PLCH1: variants seen among roughly 807,000 people sequenced by gnomAD.
PLCH1 encodes the protein 1-phosphatidylinositol 4,5-bisphosphate phosphodiesterase eta-1.
Under a neutral mutation model 126.7 loss-of-function variants are expected in PLCH1, and 60 were observed. The observed-to-expected ratio is 0.47, with a 90% CI of 0.38 to 0.59. The LOEUF (loss-of-function observed/expected upper bound fraction) is 0.59. Ranked by LOEUF, PLCH1 falls within the 20% of genes least tolerant of loss-of-function variation. The pLI is 0.00. For synonymous variants in PLCH1, 719 were observed against 734.9 expected, an observed-to-expected ratio of 0.98 and a Z score of 0.35; for missense variants, 1,723 against 2,040.0, an observed-to-expected ratio of 0.84 and a Z score of 2.99.
chr3:155,474,988 T>G (rs1713468636), downstream of PLCH1, among the ~76,000 whole-genome samples: 1 of 137,546 alleles, frequency 7.3e-6, no homozygotes, highest in Non-Finnish European at 1.6e-5. Context: ...GATGACGAGT[T>G]AGTGGGTGCA....
chr3:155,566,155 A>ATATG lies in PLCH1; in HGVS notation c.866-1038_866-1037insCATA, dbSNP rs1176857944. On this transcript the variant is annotated intron_variant, in intron 7 of 22. Transcript: ENST00000460012. ...TACATATATATGTATATATACATATATACACATACATATATACACATATAT... is the reference window on the plus strand; with the variant it reads ...TACATATATATGTATATATACATATATATGTACACATACATATATACACATATAT... 2.2e-4 allele frequency among the ~76,000 whole-genome samples: 17 copies of ATATG among 79,054 alleles called. 1 individual carries two copies. Among genetic ancestry groups the ATATG allele is most frequent in the African/African-American group, 2.4e-4 (7 of 28,734 alleles). The allele number at this position is 79,054 out of a possible 152,430, so 51.9% of individuals were successfully genotyped here.
rs183099060 is a variant in PLCH1, at chr3:155,497,393, C to A, written c.1821G>T (p.Met607Ile). Residue 607 changes from methionine to isoleucine, a missense_variant, in exon 15 of 23, where the codon ATG (methionine) becomes ATT (isoleucine). By Grantham distance (10) the Met-to-Ile change is conservative. Around this residue, in one of 2 missense-constraint regions of PLCH1, gnomAD observed 776 missense variants for 1,062.9 expected, o/e 0.73. Coordinates refer to ENST00000460012, the MANE Select transcript of PLCH1 (RefSeq NM_014996.4). ...AATCAGAGAGTTCTCGGCAGAGCTT[C>A]ATGGTTTTCCTTCGGCGACCCAATC... ...LYRLGRRRKT[M>I]KLCRELSDLV... is the part of the protein sequence containing the mutation. 1 of 1,613,786 alleles carries A rather than the reference C, an allele frequency of 6.2e-7. No homozygotes were observed. The highest frequency in any genetic ancestry group is 1.3e-5 in the African/African-American group (1 of 74,914).
intron 2 of PLCH1, among the ~76,000 whole-genome samples, chr3:155,626,582 A>G (rs1737280211): frequency 6.6e-6 from 1 of 151,934 alleles, no homozygotes; most frequent in Non-Finnish European, 1.5e-5. Flanking sequence ...ATCCTGGCTA[A>G]AACGGTGAGA....
At chr3:155,608,867 C>T (rs1375950510) in intron 2 of PLCH1, among the ~76,000 whole-genome samples, 1 of 152,214 alleles carries the variant, frequency 6.6e-6, no homozygotes, top group Admixed American at 6.5e-5. Flanking sequence ...TTAGAGCAAG[C>T]TTATATCCTC....
chr3:155,632,180 G>C (rs1424176296), intron 2 of PLCH1, among the ~76,000 whole-genome samples: 3 of 152,166 alleles, frequency 2.0e-5, no homozygotes, highest in Non-Finnish European at 4.4e-5. Flanking sequence ...TCTGAAAAGA[G>C]CTGTGCTTGA....
intron 19 of PLCH1, 115 bp from the exon 20 acceptor site, chr3:155,488,921 A>C: frequency 1.1e-6 from 1 of 870,958 alleles, no homozygotes; most frequent in Non-Finnish European, 1.7e-6. Flanking sequence ...TATTAAACTC[A>C]TGAAGACAAC....
intron 11 of PLCH1, among the ~76,000 whole-genome samples, chr3:155,519,501 C>T (rs1354462226): frequency 1.3e-5 from 2 of 152,080 alleles, no homozygotes; most frequent in African/African-American, 2.4e-5. Context: ...CAAACCACAA[C>T]CATCATTCCA....
chr3:155,606,742 G>A (rs1015216733), intron 2 of PLCH1, among the ~76,000 whole-genome samples: 5 of 152,176 alleles, frequency 3.3e-5, no homozygotes, highest in Non-Finnish European at 4.4e-5. Flanking sequence ...TTGCCATTGG[G>A]TTGCCCACCA....
At chr3:155,504,719 T>A (rs752326468) in intron 12 of PLCH1, 93 bp from the exon 13 acceptor site, 70 of 792,014 alleles carry the variant, frequency 8.8e-5, no homozygotes, top group Non-Finnish European at 1.4e-4. Context: ...CCCTCTTTTC[T>A]CTTCTGTTTG....
At chr3:155,468,192 A>C (rs1326052750) in intron 21 of PLCH1, among the ~76,000 whole-genome samples, 2 of 152,244 alleles carry the variant, frequency 1.3e-5, no homozygotes, top group Admixed American at 1.3e-4. Flanking sequence ...GGTTAAAATA[A>C]TGGGTTATAA....
chr3:155,492,605 TA>T, intron 18 of PLCH1, 123 bp downstream of exon 18: 1 of 761,814 alleles, frequency 1.3e-6, no homozygotes, highest in Non-Finnish European at 1.9e-6. Context: ...TAATGTCTGA[TA>T]AGCTGAGGTC....
At chr3:155,549,482 G>A (rs768644240) in intron 10 of PLCH1, among the ~76,000 whole-genome samples, 5 of 151,968 alleles carry the variant, frequency 3.3e-5, no homozygotes, top group Non-Finnish European at 4.4e-5. Context: ...TGAACCTCAC[G>A]CTCCTACACA....
chr3:155,719,295 T>C (rs775077837), intron 1 of PLCH1, among the ~76,000 whole-genome samples: 21 of 152,138 alleles, frequency 1.4e-4, no homozygotes, highest in Non-Finnish European at 2.6e-4. Context: ...ATTACTTCAC[T>C]TAGAATAATG....
intron 12 of PLCH1, among the ~76,000 whole-genome samples, chr3:155,511,100 T>C (rs1719411186): frequency 2.1e-5 from 1 of 48,558 alleles, no homozygotes; most frequent in Non-Finnish European, 3.6e-5. Context: ...CTTCATTTCA[T>C]TCATTTCATC....
intron 2 of PLCH1, among the ~76,000 whole-genome samples, chr3:155,684,220 T>C (rs1744755548): frequency 6.6e-6 from 1 of 152,118 alleles, no homozygotes; most frequent in African/African-American, 2.4e-5. Context: ...GGACACTACA[T>C]ATACAGACTG....
At chr3:155,697,185 G>A (rs412664) in intron 2 of PLCH1, among the ~76,000 whole-genome samples, 12 of 152,024 alleles carry the variant, frequency 7.9e-5, no homozygotes, top group African/African-American at 2.9e-4. Context: ...ACAGATCATT[G>A]CTTGGGTCTG....
At chr3:155,621,294 T>C (rs567087467) in intron 2 of PLCH1, among the ~76,000 whole-genome samples, 1 of 152,066 alleles carries the variant, frequency 6.6e-6, no homozygotes. Flanking sequence ...GATAAATACA[T>C]GAACAGGGGG....
chr3:155,704,876 G>T (rs1175819848), intron 1 of PLCH1, among the ~76,000 whole-genome samples: 1 of 152,152 alleles, frequency 6.6e-6, no homozygotes, highest in East Asian at 1.9e-4. Flanking sequence ...AACTAGCAGT[G>T]CCTGCTCCTA....
intron 2 of PLCH1, among the ~76,000 whole-genome samples, chr3:155,645,471 G>A (rs1341859526): frequency 1.3e-5 from 2 of 152,054 alleles, no homozygotes; most frequent in African/African-American, 4.8e-5. Context: ...GGAGTTATTT[G>A]TTGTTGCTTT....
Sources: allele counts gnomAD v4.1 joint callset (sites outside exome capture counted in the v4.1 genomes callset), GRCh38; gene constraint gnomAD v4.1.1; regional missense constraint gnomAD v4.1.1; transcripts MANE v1.5; gene names NCBI Gene and HGNC (gene_info 2026-07-23, HGNC 2026-07-21).